PRTFDC1: variants seen among roughly 807,000 people sequenced by gnomAD.
PRTFDC1 encodes the protein phosphoribosyl transferase domain containing 1.
A neutral mutation model predicts 34.6 loss-of-function variants in PRTFDC1; 38 were observed. That is an observed-to-expected ratio of 1.10 (90% CI 0.85 to 1.44). The LOEUF (loss-of-function observed/expected upper bound fraction) is 1.44. PRTFDC1 is among the 40% of genes most tolerant of loss of function. The pLI, the probability that PRTFDC1 is intolerant of heterozygous loss-of-function variation, is 0.00. For missense variants in PRTFDC1, 270 were observed against 283.0 expected (o/e 0.95, Z 0.33); for synonymous variants, 93 against 98.1 (o/e 0.95, Z 0.31).
At chr10:24,915,729 A>G (rs890711648) in intron 3 of PRTFDC1, among the ~76,000 whole-genome samples, 2 of 152,324 alleles carry the variant, frequency 1.3e-5, no homozygotes, top group East Asian at 1.9e-4. Flanking sequence ...CTCAGCTTCC[A>G]GGACATGATT....
intron 2 of PRTFDC1, among the ~76,000 whole-genome samples, chr10:24,940,130 A>C (rs190282995): frequency 6.6e-6 from 1 of 152,320 alleles, no homozygotes; most frequent in Non-Finnish European, 1.5e-5. Context: ...CTCTATCAGT[A>C]ATTGACAGGT....
intron 3 of PRTFDC1, among the ~76,000 whole-genome samples, chr10:24,933,836 G>A (rs1849006407): frequency 2.0e-5 from 3 of 151,988 alleles, no homozygotes; most frequent in African/African-American, 7.3e-5. Flanking sequence ...TGGGATTACA[G>A]GTATCTGCCA....
At chr10:24,916,667 A>G (rs1588612713) in intron 3 of PRTFDC1, among the ~76,000 whole-genome samples, 1 of 151,692 alleles carries the variant, frequency 6.6e-6, no homozygotes, top group Non-Finnish European at 1.5e-5. Context: ...CGCTACTTAC[A>G]CCTTCTCTGA....
intron 3 of PRTFDC1, among the ~76,000 whole-genome samples, chr10:24,920,046 A>G (rs1408459797): frequency 6.6e-6 from 1 of 152,222 alleles, no homozygotes; most frequent in African/African-American, 2.4e-5. Flanking sequence ...TAGTTCAACC[A>G]TTATGGAAGA....
At chr10:24,926,953 T>C (rs947017812) in intron 3 of PRTFDC1, among the ~76,000 whole-genome samples, 1 of 152,196 alleles carries the variant, frequency 6.6e-6, no homozygotes, top group African/African-American at 2.4e-5. Flanking sequence ...TCTAGAGGAA[T>C]AAATTTGAAT....
chr10:24,894,383 C>A (rs1392655524), intron 3 of PRTFDC1, among the ~76,000 whole-genome samples: 1 of 151,982 alleles, frequency 6.6e-6, no homozygotes, highest in East Asian at 1.9e-4. Context: ...CACTGCTGGC[C>A]CTTTGGCCGT....
chr10:24,905,532 A>G (rs989013403), intron 3 of PRTFDC1, among the ~76,000 whole-genome samples: 10 of 151,796 alleles, frequency 6.6e-5, no homozygotes, highest in Non-Finnish European at 1.2e-4. Flanking sequence ...ATGTTGGCCA[A>G]AAGGTCTCCT....
intron 3 of PRTFDC1, among the ~76,000 whole-genome samples, chr10:24,924,775 A>T (rs1323581725): frequency 6.6e-6 from 1 of 152,220 alleles, no homozygotes; most frequent in African/African-American, 2.4e-5. Flanking sequence ...ATGAGATAAC[A>T]TCTCACTCCA....
At chr10:24,863,209 C>T (rs2184644) in intron 4 of PRTFDC1, among the ~76,000 whole-genome samples, 18,032 of 152,134 alleles carry the variant, frequency 0.12, 1,346 homozygotes, top group South Asian at 0.21. Context: ...ACTAATGCAG[C>T]TGGTGACTTT....
chr10:24,921,377 G>A (rs1334172475), intron 3 of PRTFDC1, among the ~76,000 whole-genome samples: 3 of 152,062 alleles, frequency 2.0e-5, no homozygotes, highest in Non-Finnish European at 4.4e-5. Context: ...AACACACAGA[G>A]GTCTATAGGG....
At chr10:24,864,000 C>G (rs1847731125) in intron 4 of PRTFDC1, among the ~76,000 whole-genome samples, 1 of 117,096 alleles carries the variant, frequency 8.5e-6, no homozygotes, top group South Asian at 3.1e-4. Flanking sequence ...AGCGACAGAG[C>G]AACAACTCGT....
intron 3 of PRTFDC1, among the ~76,000 whole-genome samples, chr10:24,886,771 C>T (rs1191067380): frequency 6.6e-6 from 1 of 151,958 alleles, no homozygotes; most frequent in African/African-American, 2.4e-5. Context: ...GCCACCATGC[C>T]CAGCTAATTT....
At chr10:24,858,651 C>T (rs181806813) in intron 4 of PRTFDC1, among the ~76,000 whole-genome samples, 1 of 152,284 alleles carries the variant, frequency 6.6e-6, no homozygotes. Context: ...TTATCTTAGA[C>T]CTGTCTGACG....
intron 2 of PRTFDC1, 98 bp downstream of exon 2, chr10:24,942,232 G>A (rs1040096464): frequency 2.9e-5 from 27 of 936,728 alleles, no homozygotes; most frequent in Admixed American, 2.2e-4. Flanking sequence ...ACTATAAAAC[G>A]CAGCTCAGGA....
intron 3 of PRTFDC1, among the ~76,000 whole-genome samples, chr10:24,875,624 T>C (rs1847949671): frequency 6.6e-6 from 1 of 152,200 alleles, no homozygotes; most frequent in Admixed American, 6.5e-5. Context: ...TCCAAGTGGG[T>C]ATATTGTCAA....
chr10:24,883,066 A>G (rs141740266), intron 3 of PRTFDC1, among the ~76,000 whole-genome samples: 2,086 of 148,236 alleles, frequency 0.014, 41 homozygotes, highest in African/African-American at 0.049. Flanking sequence ...ATTTATATAT[A>G]CCAATATTTA....
intron 2 of PRTFDC1, among the ~76,000 whole-genome samples, chr10:24,941,114 T>G (rs1325427218): frequency 6.6e-6 from 1 of 151,984 alleles, no homozygotes. Flanking sequence ...AGTGCAGTGG[T>G]GTGATCATGG....
At position 24,871,574 on chromosome 10, in the gene PRTFDC1, TC is replaced by T. The variant is rs540117503; in HGVS notation, c.405+423del. ...TCTTAAGAGTTCCTTTTCTCTTCCC[TC>T]CCCAGATTTTGTACTTGTCAATGAA... is the stretch of plus-strand genomic sequence containing the variant. On this transcript the variant is annotated intron_variant, in intron 4 of 8. Transcript: ENST00000320152. Among the ~76,000 whole-genome samples the T allele has an allele frequency of 5.0e-3, 745 of 150,476 alleles. 3 individuals carry two copies. Among genetic ancestry groups the T allele is most frequent in the African/African-American group, 0.017 (697 of 40,880 alleles).
intron 3 of PRTFDC1, among the ~76,000 whole-genome samples, chr10:24,930,292 A>G (rs1848951059): frequency 6.6e-6 from 1 of 152,154 alleles, no homozygotes; most frequent in Admixed American, 6.5e-5. Context: ...TGTCTTGTGG[A>G]GTATCTCCAT....
Sources: allele counts gnomAD v4.1 joint callset (sites outside exome capture counted in the v4.1 genomes callset), GRCh38; gene constraint gnomAD v4.1.1; transcripts MANE v1.5; gene names NCBI Gene and HGNC (gene_info 2026-07-23, HGNC 2026-07-21).